Variants in RIN1 observed in about 807,000 individuals in gnomAD.
RIN1 encodes ras inhibitor 1.
A neutral mutation model predicts 64.9 loss-of-function variants in RIN1; 52 were observed. That is an observed-to-expected ratio of 0.80 (90% confidence interval 0.64 to 1.01). RIN1 has a LOEUF of 1.01. RIN1 is among the 50% of genes least tolerant of loss of function. The pLI, the probability that RIN1 is intolerant of heterozygous loss-of-function variation, is 0.00. For missense variants in RIN1, 1,040 were observed against 1,064.5 expected (o/e 0.98, Z 0.32); for synonymous variants, 486 against 483.6 (o/e 1.00, Z -0.06).
upstream of RIN1, chr11:66,336,621 C>T: frequency 1.9e-6 from 1 of 522,798 alleles, no homozygotes; most frequent in Non-Finnish European, 3.4e-6. Flanking sequence ...AGGGCCCCAG[C>T]TGGGGGATGC....
chr11:66,335,699 G>C lies in RIN1; in HGVS notation c.383-17C>G, dbSNP rs946221491. ...AGGAGACGCCTGAGAGAGGAGGGAA[G>C]TGAGGTGCTTCTCTGGGGAACCTCC... On this transcript the variant is annotated splice_polypyrimidine_tract_variant and intron_variant, in intron 3 of 9. Coordinates refer to ENST00000311320, the MANE Select transcript of RIN1 (RefSeq NM_004292.3). 5 of 1,612,764 alleles carry C rather than the reference G, an allele frequency of 3.1e-6. No individual in the cohort carries two copies. The African/African-American group carries it at 6.7e-5, about 22-fold the overall frequency.
rs764298867 is a variant in RIN1, at chr11:66,332,377, G to C, written c.2251C>G (p.Gln751Glu). ...CCCCCTTCAGCAGTTGTCTCAGACT[G>C]TTCCCGAATGTCCCTGGGGCTGGCT... ...VKASPRDIRE[Q>E]SETTAEGGQG... Residue 751 changes from glutamine to glutamate, a missense_variant, in exon 10 of 10, where the codon CAG becomes GAG. Coordinates refer to ENST00000311320, the MANE Select transcript of RIN1 (RefSeq NM_004292.3). 9 of 1,614,158 alleles carry C rather than the reference G, an allele frequency of 5.6e-6. No homozygotes were observed. Among genetic ancestry groups the C allele is most frequent in the Non-Finnish European group, 7.6e-6 (9 of 1,179,988 alleles).
rs113543168 is a variant in RIN1, at chr11:66,332,380, C to G, written c.2248G>C (p.Glu750Gln). The change falls in exon 10 of 10, where the codon GAA (glutamate) becomes CAA (glutamine). Residue 750 changes from glutamate to glutamine, a missense_variant. Transcript: ENST00000311320. ...CCTTCAGCAGTTGTCTCAGACTGTT[C>G]CCGAATGTCCCTGGGGCTGGCTTTG... ...GVKASPRDIR[E>Q]QSETTAEGGQ... 15 of 1,614,092 alleles carry G rather than the reference C, an allele frequency of 9.3e-6. No homozygotes were observed. In the African/African-American group the frequency reaches 1.3e-4, roughly 14 times the overall value.
Position 66,334,662 on chromosome 11 carries a change from C to A in RIN1, c.1137G>T (p.Ala379=). The change falls in exon 6 of 10, where the codon GCG becomes GCT. Residue 379 remains alanine, a synonymous_variant. Coordinates refer to ENST00000311320, the MANE Select transcript of RIN1 (RefSeq NM_004292.3). ...AALMQDRHTA[A]GQLVQDLLTQ... ...TCAGTAGGTCCTGCACCAGCTGGCC[C>A]GCGGCTGTGTGTCGGTCCTGCATCA... 1 of 1,560,242 alleles carries A rather than the reference C, an allele frequency of 6.4e-7. No individual in the cohort carries two copies. The highest frequency in any genetic ancestry group is 8.7e-7 in the Non-Finnish European group (1 of 1,154,830).
chr11:66,334,242 AGGGGTCAGGGGAAGACTGGGGGTATG>A lies in RIN1; in HGVS notation c.1286-44_1286-19del. On this transcript the variant is annotated intron_variant, in intron 6 of 9. Transcript: ENST00000311320. ...GACATGTTCTGCCGGAGGGACAGGG[AGGGGTCAGGGGAAGACTGGGGGTATG>A]GGGGGCAGAGGCAAGGGGAGAAGGG... 1 of 505,862 alleles carries A rather than the reference AGGGGTCAGGGGAAGACTGGGGGTATG, an allele frequency of 2.0e-6. No individual in the cohort carries two copies. The highest frequency in any genetic ancestry group is 2.5e-6 in the Non-Finnish European group (1 of 401,662). 31.3% of individuals were successfully genotyped at this position (505,862 alleles called of 1,614,324 possible).
chr11:66,333,822 C>T (rs1854799010), intron 7 of RIN1, 97 bp downstream of exon 7: 1 of 1,422,126 alleles, frequency 7.0e-7, no homozygotes, highest in Non-Finnish European at 9.3e-7. Flanking sequence ...CTCATTCTCT[C>T]CTGCAGGGCT....
intron 9 of RIN1, 40 bp from the exon 10 acceptor site, chr11:66,332,792 G>T: frequency 1.4e-6 from 2 of 1,415,538 alleles, no homozygotes; most frequent in Non-Finnish European, 1.9e-6. Context: ...CTCAGCCCCG[G>T]CTGGCATGCA....
Position 66,334,122 on chromosome 11 carries a change from C to A in RIN1, c.1388G>T (p.Gly463Val). The A allele has an allele frequency of 6.4e-7, 1 of 1,550,392 alleles. No individual in the cohort carries two copies. Among genetic ancestry groups the A allele is most frequent in the East Asian group, 2.4e-5 (1 of 41,726 alleles). The change falls in exon 7 of 10, where the codon GGC becomes GTC. Residue 463 changes from glycine (G) to valine (V), a missense_variant. Coordinates refer to ENST00000311320, the MANE Select transcript of RIN1 (RefSeq NM_004292.3). ...CAGGCGGAGGCCCTCAGCTAGGCGG[C>A]CCAGGGAGCCGTCTGCGGCAAGCCG... ...RRRLAADGSLGRLAEGLRLAR... is the reference protein window; with the variant it reads ...RRRLAADGSLVRLAEGLRLAR...
Position 66,331,853 on chromosome 11 carries a change from T to G in RIN1, c.*423A>C. 8.8e-6 allele frequency: 2 copies of G among 226,352 alleles called. No individual in the cohort carries two copies. Among genetic ancestry groups the G allele is most frequent in the Non-Finnish European group, 1.8e-5 (2 of 114,018 alleles). 14.0% of individuals were successfully genotyped at this position (226,352 alleles called of 1,614,324 possible). A position where few individuals can be genotyped will look rare whatever the true frequency, so the allele number is the denominator to read the frequency against. ...CTGACACCTAAGAGCCATTGGAACC[T>G]TTTAGGGTCTGGAAGTCCCAGCCTG... On this transcript the variant is annotated 3_prime_UTR_variant, in exon 10 of 10. Coordinates refer to ENST00000311320, the MANE Select transcript of RIN1 (RefSeq NM_004292.3).
At chr11:66,335,917 T>G in intron 2 of RIN1, 41 bp from the exon 3 acceptor site, 1 of 1,506,894 alleles carries the variant, frequency 6.6e-7, no homozygotes, top group Non-Finnish European at 8.9e-7. Context: ...GACCTTGGCG[T>G]CCCATCCCTC....
rs765679001 is a variant in RIN1 at position 66,332,257 on chromosome 11, C to A, written c.*19G>T. 1.6e-5 allele frequency: 25 copies of A among 1,610,592 alleles called. No homozygotes were observed. The South Asian group carries it at 2.6e-4, about 17-fold the overall frequency. On this transcript the variant is annotated 3_prime_UTR_variant, in exon 10 of 10. Coordinates refer to ENST00000311320, the MANE Select transcript of RIN1 (RefSeq NM_004292.3). Reference sequence around the variant, plus strand: ...GCTCAGGGTCTCCCGCCCCGAATGACCCTTCTGGCCACTTCAAGCTACTCC... The same window carrying A: ...GCTCAGGGTCTCCCGCCCCGAATGAACCTTCTGGCCACTTCAAGCTACTCC...
Position 66,335,139 on chromosome 11 carries a change from G to T in RIN1, c.660C>A (p.Ala220=). ...SPQELDQGTG[A]ALCFFNPLFP... ...ACAGGGGGTTGAAGAAGCACAAGGC[G>T]GCTCCGGTGCCCTGGTCCAGCTCTT... The change falls in exon 6 of 10, where the codon GCC becomes GCA. Residue 220 remains alanine (A), a synonymous_variant. Transcript: ENST00000311320. 1.9e-6 allele frequency: 3 copies of T among 1,542,940 alleles called. No homozygotes were observed. Among genetic ancestry groups the T allele is most frequent in the Non-Finnish European group, 2.6e-6 (3 of 1,149,240 alleles).
At chr11:66,333,889 G>A in intron 7 of RIN1, 30 bp downstream of exon 7, 2 of 1,493,228 alleles carry the variant, frequency 1.3e-6, no homozygotes, top group Non-Finnish European at 1.8e-6. Context: ...CAAAGGGGCA[G>A]GGCAGGGTGA....
chr11:66,336,342 T>C lies in RIN1; in HGVS notation c.61A>G (p.Thr21Ala), dbSNP rs753130611. Residue 21 changes from threonine (T) to alanine (A), a missense_variant, in exon 1 of 10, where the codon ACT (threonine) becomes GCT (alanine). Transcript: ENST00000311320. ...SPGAPSPSSF[T>A]TGHLAREKPA... The stretch of plus-strand genomic sequence containing the variant: ...TTTTCTCTCGCCAGGTGCCCAGTAG[T>C]GAAGCTGGACGGGCTGGGGGCTCCA... The C allele has an allele frequency of 2.5e-6, 4 of 1,613,714 alleles. No individual in the cohort carries two copies. The Admixed American group carries it at 6.7e-5, about 27-fold the overall frequency.
At position 66,336,192 on chromosome 11, in the gene RIN1, C is replaced by T. The variant is rs1339542448; in HGVS notation, c.87-34G>A. 12 of 1,473,246 alleles carry T rather than the reference C, an allele frequency of 8.1e-6. No individual in the cohort carries two copies. The East Asian group carries it at 2.7e-4, about 34-fold the overall frequency. 91.3% of individuals were successfully genotyped at this position (1,473,246 alleles called of 1,614,324 possible). A position where few individuals can be genotyped will look rare whatever the true frequency, so the allele number is the denominator to read the frequency against. The stretch of plus-strand genomic sequence containing the variant: ...AGGCACCCAGATCTGAGCAGGGAGC[C>T]AGGGGCTGGGACCCTTGCTCTCCTC... On this transcript the variant is annotated intron_variant, in intron 1 of 9. Transcript: ENST00000311320.
intron 7 of RIN1, 116 bp downstream of exon 7, chr11:66,333,803 G>C (rs764209731): frequency 8.0e-5 from 113 of 1,410,950 alleles, no homozygotes; most frequent in Non-Finnish European, 9.9e-5. Flanking sequence ...TGCAAGAGGG[G>C]AGGGTGGGCT....
At chr11:66,333,845 TG>T in intron 7 of RIN1, 73 bp downstream of exon 7, 1 of 1,451,196 alleles carries the variant, frequency 6.9e-7, no homozygotes. Context: ...TCTAGGGTCC[TG>T]GGGACCTGCC....
rs1330811801 is a variant in RIN1, at chr11:66,335,819, G to A, written c.325C>T (p.Pro109Ser). 12 of 1,608,248 alleles carry A rather than the reference G, an allele frequency of 7.5e-6. No individual in the cohort carries two copies. The highest frequency in any genetic ancestry group is 3.4e-5 in the Admixed American group (2 of 59,690). ...ACGAAGGAGGGGCCACTGGCTTCAG[G>A]CAACCGCATGCACAGGGCCTGGCAC... ...RQCQALCMRL[P>S]EASGPSFVSS... Residue 109 changes from proline (P) to serine (S), a missense_variant, in exon 3 of 10, where the codon CCT becomes TCT. Transcript: ENST00000311320.
In RIN1 at chr11:66,333,635, A is replaced by G; in HGVS notation, c.1615T>C (p.Phe539Leu). The part of the protein sequence containing the change: ...QEGEGAGADE[F>L]LPLLSLVLAH... Reference sequence around the variant, plus strand: ...AAGACGAGGCTCAGCAGAGGCAGGAACTCGTCGGCACCCGCGCCCTCCCCT... The same window carrying G: ...AAGACGAGGCTCAGCAGAGGCAGGAGCTCGTCGGCACCCGCGCCCTCCCCT... Residue 539 changes from phenylalanine (F) to leucine (L), a missense_variant, in exon 8 of 10, where the codon TTC becomes CTC. Transcript: ENST00000311320. 1 of 1,611,400 alleles carries G rather than the reference A, an allele frequency of 6.2e-7. No homozygotes were observed. Among genetic ancestry groups the G allele is most frequent in the Non-Finnish European group, 8.5e-7 (1 of 1,179,078 alleles).
Sources: allele counts gnomAD v4.1 joint callset, GRCh38; gene constraint gnomAD v4.1.1; transcripts MANE v1.5; gene names NCBI Gene and HGNC (gene_info 2026-07-23, HGNC 2026-07-21).